The following GPHN variants were observed in gnomAD, a reference collection of about 807,000 sequenced individuals.
GPHN encodes gephyrin.
GPHN carries 17 observed loss-of-function variants against 95.5 expected under a neutral mutation model. That is an observed-to-expected ratio of 0.18 (90% CI 0.12 to 0.27). The LOEUF (loss-of-function observed/expected upper bound fraction) is 0.27, where lower values mean the gene tolerates loss of function less well. Ranked by LOEUF, GPHN falls within the 10% of genes least tolerant of loss-of-function variation. The pLI, the probability that GPHN is intolerant of heterozygous loss-of-function variation, is 1.00. For synonymous variants in GPHN, 320 were observed against 322.5 expected (o/e 0.99, Z 0.08); for missense variants, 660 against 978.1 (o/e 0.67, Z 4.34).
intron 1 of GPHN, among the ~76,000 whole-genome samples, chr14:66,641,084 C>T (rs2064374820): frequency 6.6e-6 from 1 of 152,138 alleles, no homozygotes; most frequent in Non-Finnish European, 1.5e-5. Flanking sequence ...GAAAGGCAAA[C>T]TGGTGTAGCT....
chr14:66,971,734 C>A (rs1040833555), intron 9 of GPHN, among the ~76,000 whole-genome samples: 1 of 152,124 alleles, frequency 6.6e-6, no homozygotes, highest in African/African-American at 2.4e-5. Context: ...ACCTTAAAAT[C>A]CATTGGTCTG....
At chr14:66,522,960 AG>A (rs1439285085) in intron 1 of GPHN, among the ~76,000 whole-genome samples, 3 of 152,140 alleles carry the variant, frequency 2.0e-5, no homozygotes, top group African/African-American at 7.2e-5. Context: ...GTGGGAGTTT[AG>A]TATCATTATT....
At chr14:67,193,316 A>ATATC in the GPHN span, among the ~76,000 whole-genome samples, 1 of 128,872 alleles carries the variant, frequency 7.8e-6, no homozygotes, top group Admixed American at 8.1e-5. Context: ...CTCTATATAG[A>ATATC]TATCTATATA....
At position 66,765,961 on chromosome 14, in the gene GPHN, A is replaced by G. The variant is rs116327074; in HGVS notation, c.144-10503A>G. On this transcript the variant is annotated intron_variant, in intron 2 of 22. Transcript: ENST00000478722. ...TTCCACCTGTGGTGGAGTAGCTTCT[A>G]TGAAAACTAGCTAGAATACATAAAA... 3.7e-3 allele frequency among the ~76,000 whole-genome samples: 564 copies of G among 152,302 alleles called. 7 individuals are homozygous for G. Among genetic ancestry groups the G allele is most frequent in the African/African-American group, 0.013 (527 of 41,572 alleles).
chr14:66,745,808 TTAAAAA>T (rs1467241384), intron 2 of GPHN, among the ~76,000 whole-genome samples: 1 of 151,950 alleles, frequency 6.6e-6, no homozygotes, highest in Non-Finnish European at 1.5e-5. Flanking sequence ...AATTTAATTT[TTAAAAA>T]TAATAATAAT....
chr14:66,733,518 A>C (rs1330246154), intron 2 of GPHN, among the ~76,000 whole-genome samples: 2 of 151,800 alleles, frequency 1.3e-5, no homozygotes, highest in Non-Finnish European at 2.9e-5. Flanking sequence ...GCTAATTTTC[A>C]CTCAGTTTTA....
intron 2 of GPHN, among the ~76,000 whole-genome samples, chr14:66,706,322 C>G (rs2153418624): frequency 6.6e-6 from 1 of 152,232 alleles, no homozygotes; most frequent in Admixed American, 6.5e-5. Context: ...CTTTAAACTT[C>G]ATATTGAATC....
intron 8 of GPHN, among the ~76,000 whole-genome samples, chr14:66,963,721 T>C (rs1320199012): frequency 6.6e-6 from 1 of 152,160 alleles, no homozygotes; most frequent in Admixed American, 6.5e-5. Flanking sequence ...TCAAAATTCC[T>C]ACTGCTTTTC....
At chr14:66,810,608 A>G (rs139034419) in intron 3 of GPHN, among the ~76,000 whole-genome samples, 2 of 152,118 alleles carry the variant, frequency 1.3e-5, no homozygotes, top group Non-Finnish European at 2.9e-5. Flanking sequence ...GTATTCTCAC[A>G]TCAAATTTTG....
chr14:67,005,390 C>T (rs17103807), intron 9 of GPHN, among the ~76,000 whole-genome samples: 8,979 of 151,892 alleles, frequency 0.059, 322 homozygotes, highest in Middle Eastern at 0.085. Flanking sequence ...TTAACAAGAA[C>T]TATACAGCTA....
At chr14:67,587,545 A>G in the GPHN span, 4 of 391,774 alleles carry the variant, frequency 1.0e-5, no homozygotes, top group East Asian at 5.9e-5. Context: ...CATCAGTGCT[A>G]TAAGTTAAGG....
At chr14:66,946,976 G>C (rs1268929335) in intron 8 of GPHN, among the ~76,000 whole-genome samples, 1 of 152,080 alleles carries the variant, frequency 6.6e-6, no homozygotes, top group African/African-American at 2.4e-5. Context: ...TCAACCCATA[G>C]CCAGAGTCGA....
At chr14:66,641,719 C>T (rs1163046139) in intron 1 of GPHN, among the ~76,000 whole-genome samples, 1 of 150,644 alleles carries the variant, frequency 6.6e-6, no homozygotes, top group Non-Finnish European at 1.5e-5. Context: ...ACTTAATTTA[C>T]AACTATATAA....
chr14:67,394,645 G>A, the GPHN span, among the ~76,000 whole-genome samples: 9 of 152,246 alleles, frequency 5.9e-5, no homozygotes, highest in African/African-American at 2.2e-4. Flanking sequence ...TCTTTGATGG[G>A]TGTTAACAGT....
intron 3 of GPHN, among the ~76,000 whole-genome samples, chr14:66,813,791 G>A (rs1395294623): frequency 6.6e-6 from 1 of 152,206 alleles, no homozygotes; most frequent in Non-Finnish European, 1.5e-5. Flanking sequence ...GACAGGGCTG[G>A]TCTGACCTGA....
At chr14:66,781,905 G>A (rs1053310922) in intron 3 of GPHN, among the ~76,000 whole-genome samples, 1 of 152,100 alleles carries the variant, frequency 6.6e-6, no homozygotes, top group Admixed American at 6.5e-5. Context: ...GAATTCCTGG[G>A]TATTAAGAAA....
chr14:67,288,097 C>T, the GPHN span, among the ~76,000 whole-genome samples: 2 of 151,272 alleles, frequency 1.3e-5, no homozygotes, highest in East Asian at 1.9e-4. Context: ...TTTTTTCCTT[C>T]GAGACAGAGT....
chr14:67,468,365 C>T, the GPHN span, among the ~76,000 whole-genome samples: 10 of 152,262 alleles, frequency 6.6e-5, no homozygotes, highest in Non-Finnish European at 1.3e-4. Context: ...TTGGTTGTAC[C>T]GGGGCAGTCT....
the GPHN span, among the ~76,000 whole-genome samples, chr14:67,653,181 C>T: frequency 6.6e-6 from 1 of 152,190 alleles, no homozygotes; most frequent in South Asian, 2.1e-4. Flanking sequence ...AATGTCCTTT[C>T]AGTGGAGAAA....
Sources: gnomAD v4.1 joint callset for allele counts (sites outside exome capture counted in the v4.1 genomes callset) on GRCh38, gnomAD v4.1.1 for gene constraint, MANE v1.5 for transcripts, NCBI Gene and HGNC (gene_info 2026-07-23, HGNC 2026-07-21) for gene names.